The following ZBTB7C variants were observed in gnomAD, a reference collection of about 807,000 sequenced individuals.
ZBTB7C encodes the protein zinc finger and BTB domain-containing protein 7C.
ZBTB7C carries 8 observed loss-of-function variants against 25.7 expected under a neutral mutation model. The observed-to-expected ratio is 0.31, with a 90% CI of 0.18 to 0.56. The LOEUF (loss-of-function observed/expected upper bound fraction) is 0.56. Ranked by LOEUF, ZBTB7C falls within the 20% of genes least tolerant of loss-of-function variation. The pLI, the probability that ZBTB7C is intolerant of heterozygous loss-of-function variation, is 0.91. For synonymous variants in ZBTB7C, 394 were observed against 369.0 expected (o/e 1.07, Z -0.78); for missense variants, 824 against 855.2 (o/e 0.96, Z 0.46).
intron 2 of ZBTB7C, among the ~76,000 whole-genome samples, chr18:48,264,614 A>G (rs1317560694): frequency 6.6e-6 from 1 of 152,094 alleles, no homozygotes; most frequent in Non-Finnish European, 1.5e-5. Context: ...GGGTTCGGTT[A>G]AGGGAGGCTG....
chr18:48,105,061 G>A (rs566116758), intron 3 of ZBTB7C, among the ~76,000 whole-genome samples: 101 of 152,340 alleles, frequency 6.6e-4, no homozygotes, highest in African/African-American at 2.3e-3. Context: ...CAGGATAGCT[G>A]CCCCCACGGG....
At chr18:48,250,136 T>C (rs768421678) in intron 2 of ZBTB7C, among the ~76,000 whole-genome samples, 1 of 152,276 alleles carries the variant, frequency 6.6e-6, no homozygotes, top group East Asian at 1.9e-4. Context: ...CCCAGTGACA[T>C]GCGCAGGGGT....
intron 4 of ZBTB7C, among the ~76,000 whole-genome samples, chr18:48,038,749 T>G (rs2144132658): frequency 6.6e-6 from 1 of 152,154 alleles, no homozygotes; most frequent in South Asian, 2.1e-4. Context: ...TGTGGGTCTC[T>G]CAAGGTGAGT....
chr18:48,257,504 A>G (rs141496703), intron 2 of ZBTB7C, among the ~76,000 whole-genome samples: 1 of 152,318 alleles, frequency 6.6e-6, no homozygotes. Flanking sequence ...CTAATTCTAC[A>G]TGAGCTCTTC....
At chr18:48,093,793 C>T (rs779370359) in intron 3 of ZBTB7C, among the ~76,000 whole-genome samples, 5 of 152,190 alleles carry the variant, frequency 3.3e-5, no homozygotes, top group Admixed American at 6.5e-5. Context: ...CGGTGGCTCA[C>T]GCCTGTAATC....
At chr18:48,136,940 C>T in intron 3 of ZBTB7C, 2 of 974,136 alleles carry the variant, frequency 2.1e-6, no homozygotes, top group South Asian at 9.5e-5. Context: ...TCCCCACGGC[C>T]CGGCCGCTGG....
chr18:48,392,279 T>C (rs189235017), intron 1 of ZBTB7C, among the ~76,000 whole-genome samples: 13 of 152,356 alleles, frequency 8.5e-5, no homozygotes, highest in Admixed American at 2.0e-4. Flanking sequence ...CACCAACTTT[T>C]TTTAAAGCTT....
intron 3 of ZBTB7C, among the ~76,000 whole-genome samples, chr18:48,183,638 T>A (rs1347956600): frequency 6.6e-6 from 1 of 152,192 alleles, no homozygotes; most frequent in Non-Finnish European, 1.5e-5. Context: ...CGCATGAGAA[T>A]AAAAGCAATT....
chr18:48,412,476 G>A (rs1464192174), upstream of ZBTB7C, among the ~76,000 whole-genome samples: 1 of 152,138 alleles, frequency 6.6e-6, no homozygotes, highest in Non-Finnish European at 1.5e-5. Flanking sequence ...TGTTGCCACC[G>A]CTGGGTAGTG....
chr18:48,310,461 CA>C (rs1161503686), intron 2 of ZBTB7C, among the ~76,000 whole-genome samples: 1 of 151,722 alleles, frequency 6.6e-6, no homozygotes, highest in Admixed American at 6.6e-5. Flanking sequence ...CCAAGACTTC[CA>C]AAAAAAGTCT....
At chr18:48,145,043 G>C (rs551942526) in intron 3 of ZBTB7C, among the ~76,000 whole-genome samples, 29 of 152,114 alleles carry the variant, frequency 1.9e-4, no homozygotes, top group Non-Finnish European at 3.8e-4. Context: ...CTAGAATCTG[G>C]GTTAGAGACT....
At chr18:48,255,980 A>G (rs1209767825) in intron 2 of ZBTB7C, among the ~76,000 whole-genome samples, 1 of 152,200 alleles carries the variant, frequency 6.6e-6, no homozygotes, top group Non-Finnish European at 1.5e-5. Flanking sequence ...AAGAATTGTA[A>G]AAGTGTACAG....
chr18:48,213,264 G>T (rs12326414), intron 2 of ZBTB7C, among the ~76,000 whole-genome samples: 13,241 of 152,230 alleles, frequency 0.087, 653 homozygotes, highest in Middle Eastern at 0.16. Context: ...TTTTGTTTTT[G>T]ACTACACAGG....
chr18:48,251,042 A>G (rs2144431861), intron 2 of ZBTB7C, among the ~76,000 whole-genome samples: 1 of 152,212 alleles, frequency 6.6e-6, no homozygotes, highest in African/African-American at 2.4e-5. Flanking sequence ...TAAGCAACAT[A>G]GCAAGACCTT....
At chr18:48,161,699 C>G (rs911300122) in intron 3 of ZBTB7C, among the ~76,000 whole-genome samples, 1 of 151,688 alleles carries the variant, frequency 6.6e-6, no homozygotes, top group African/African-American at 2.4e-5. Flanking sequence ...CTGCCCGGCC[C>G]GGCCCGGCCC....
At chr18:48,233,617 T>A (rs2043309257) in intron 2 of ZBTB7C, among the ~76,000 whole-genome samples, 1 of 152,216 alleles carries the variant, frequency 6.6e-6, no homozygotes. Flanking sequence ...AGGACACTTG[T>A]GAAACACCTG....
At chr18:48,250,390 G>C (rs1045116340) in intron 2 of ZBTB7C, among the ~76,000 whole-genome samples, 1 of 152,222 alleles carries the variant, frequency 6.6e-6, no homozygotes, top group Non-Finnish European at 1.5e-5. Context: ...TAGAAAAGGG[G>C]ATAAGAAAAG....
intron 1 of ZBTB7C, among the ~76,000 whole-genome samples, chr18:48,363,217 C>A (rs951964004): frequency 6.6e-6 from 1 of 152,118 alleles, no homozygotes; most frequent in Non-Finnish European, 1.5e-5. Flanking sequence ...GAGGGAGGGA[C>A]CCTCCTGCCT....
At chr18:48,167,563 G>GGTGTGTGTGTGTGTGTGTTTGTGT (rs2041295885) in intron 3 of ZBTB7C, among the ~76,000 whole-genome samples, 1 of 142,482 alleles carries the variant, frequency 7.0e-6, no homozygotes, top group Non-Finnish European at 1.5e-5. Flanking sequence ...GCATTGCTAG[G>GGTGTGTGTGTGTGTGTGTTTGTGT]GTGTGTGTGT....
Sources: allele counts gnomAD v4.1 joint callset (sites outside exome capture counted in the v4.1 genomes callset), GRCh38; gene constraint gnomAD v4.1.1; transcripts MANE v1.5; gene names NCBI Gene and HGNC (gene_info 2026-07-23, HGNC 2026-07-21).